IL19: variants seen among roughly 807,000 people sequenced by gnomAD.
The protein encoded by IL19 is interleukin 19, also known as interleukin-19.
Under a neutral mutation model 19.5 loss-of-function variants are expected in IL19, and 15 were observed. The observed-to-expected ratio is 0.77, with a 90% confidence interval of 0.52 to 1.19. The LOEUF is 1.19. Among genes scored for constraint, IL19 ranks in the 50% most tolerant of loss-of-function variants. The pLI, the probability that IL19 is intolerant of heterozygous loss-of-function variation, is 0.00. For missense variants in IL19, 199 were observed against 213.1 expected (o/e 0.93, Z 0.41); for synonymous variants, 78 against 78.3 (o/e 1.00, Z 0.02).
chr1:206,799,643 T>C (rs781496169), intron 2 of IL19, among the ~76,000 whole-genome samples: 3 of 152,214 alleles, frequency 2.0e-5, no homozygotes, highest in Admixed American at 6.5e-5. Context: ...GACTGACTAG[T>C]GCTCTAAAGT....
chr1:206,776,820 C>T (rs939657039), intron 1 of IL19, among the ~76,000 whole-genome samples: 1 of 149,474 alleles, frequency 6.7e-6, no homozygotes, highest in Non-Finnish European at 1.5e-5. Flanking sequence ...GACATAAACC[C>T]GGGCATCCAA....
At chr1:206,827,704 A>G (rs1376634642) in intron 2 of IL19, among the ~76,000 whole-genome samples, 16 of 31,448 alleles carry the variant, frequency 5.1e-4, no homozygotes, top group Non-Finnish European at 1.2e-3. Flanking sequence ...ACAAAACAAA[A>G]CAAAACAAAA....
At chr1:206,840,253 A>G (rs1268394061) in intron 5 of IL19, 1 of 646,406 alleles carries the variant, frequency 1.5e-6, no homozygotes, top group Admixed American at 2.1e-5. Flanking sequence ...TTATGTCAAC[A>G]TATTCCTTAG....
At chr1:206,802,205 TG>T (rs141181222) in intron 2 of IL19, among the ~76,000 whole-genome samples, 5,999 of 152,256 alleles carry the variant, frequency 0.039, 229 homozygotes, top group East Asian at 0.15. Flanking sequence ...GAGTTGGTGA[TG>T]GAGATGGGAT....
chr1:206,784,251 TAAG>T (rs1572546650), intron 1 of IL19, among the ~76,000 whole-genome samples: 1 of 152,194 alleles, frequency 6.6e-6, no homozygotes, highest in Non-Finnish European at 1.5e-5. Flanking sequence ...GTTGTTTTTC[TAAG>T]AAGATTTCCA....
At chr1:206,819,579 C>CT (rs1676244568) in intron 2 of IL19, among the ~76,000 whole-genome samples, 2 of 48,848 alleles carry the variant, frequency 4.1e-5, no homozygotes, top group Non-Finnish European at 1.3e-4. Context: ...AAGACTCCGT[C>CT]TAAAAAAAAA....
chr1:206,776,909 CAAA>C (rs1186364224), intron 1 of IL19, among the ~76,000 whole-genome samples: 1,605 of 50,380 alleles, frequency 0.032, 15 homozygotes, highest in African/African-American at 0.088. Flanking sequence ...CTTGCAACTA[CAAA>C]AAAAAAAAAA....
At chr1:206,814,031 T>C (rs1306576679) in intron 2 of IL19, among the ~76,000 whole-genome samples, 1 of 152,210 alleles carries the variant, frequency 6.6e-6, no homozygotes, top group Non-Finnish European at 1.5e-5. Flanking sequence ...TTGAAATAAA[T>C]CTTTTTATAT....
At chr1:206,802,902 A>G (rs1372900084) in intron 2 of IL19, among the ~76,000 whole-genome samples, 2 of 152,224 alleles carry the variant, frequency 1.3e-5, no homozygotes, top group African/African-American at 4.8e-5. Flanking sequence ...ACAGGAAAGC[A>G]AGGGGAATGT....
chr1:206,818,881 T>C (rs1310174872), intron 2 of IL19, among the ~76,000 whole-genome samples: 3 of 151,506 alleles, frequency 2.0e-5, no homozygotes, highest in African/African-American at 7.3e-5. Context: ...GGCATGATCT[T>C]GGCTCACTGC....
At chr1:206,808,500 C>T (rs3223448) in intron 2 of IL19, among the ~76,000 whole-genome samples, 110 of 148,712 alleles carry the variant, frequency 7.4e-4, no homozygotes, top group Non-Finnish European at 1.3e-3. Flanking sequence ...TGTGTGTGTG[C>T]GTGTGTGTGT....
intron 2 of IL19, among the ~76,000 whole-genome samples, chr1:206,832,910 C>T (rs550819880): frequency 6.6e-6 from 1 of 152,342 alleles, no homozygotes; most frequent in South Asian, 2.1e-4. Context: ...GTAAAAGGCC[C>T]TGATCTTTCC....
At chr1:206,811,185 G>A (rs1049869110) in intron 2 of IL19, among the ~76,000 whole-genome samples, 8 of 152,190 alleles carry the variant, frequency 5.3e-5, no homozygotes, top group Non-Finnish European at 1.0e-4. Context: ...TTAGTGAGGC[G>A]AATTGATCAT....
chr1:206,800,218 G>A (rs1024879284), intron 2 of IL19, among the ~76,000 whole-genome samples: 9 of 152,214 alleles, frequency 5.9e-5, no homozygotes, highest in African/African-American at 1.4e-4. Context: ...ATACCCCATT[G>A]AGCTTCCAGT....
chr1:206,814,208 A>G (rs2102469670), intron 2 of IL19, among the ~76,000 whole-genome samples: 1 of 152,244 alleles, frequency 6.6e-6, no homozygotes, highest in South Asian at 2.1e-4. Flanking sequence ...TTTTCAATAA[A>G]GACTCCTATA....
Position 206,784,622 on chromosome 1 carries a change from G to C in IL19, c.-149+13544G>C, listed in dbSNP as rs7516103. ...AAATCAGAAGAGCCTCCACTTGGTA[G>C]GGGAGGACGTGATGCTGCCTTTTCC... On this transcript the variant is annotated intron_variant, in intron 1 of 6. Coordinates refer to ENST00000659997, the MANE Select transcript of IL19 (RefSeq NM_153758.5). Among the ~76,000 whole-genome samples the C allele has an allele frequency of 6.5e-3, 988 of 152,362 alleles. 10 individuals carry two copies. The highest frequency in any genetic ancestry group is 0.023 in the African/African-American group (955 of 41,594).
intron 2 of IL19, among the ~76,000 whole-genome samples, chr1:206,813,924 A>C (rs931709432): frequency 6.6e-6 from 1 of 152,228 alleles, no homozygotes; most frequent in African/African-American, 2.4e-5. Flanking sequence ...GAAATTCTCA[A>C]GACTGCAAAT....
intron 4 of IL19, among the ~76,000 whole-genome samples, chr1:206,838,648 C>A (rs1401151982): frequency 3.3e-5 from 5 of 152,136 alleles, no homozygotes; most frequent in Admixed American, 3.3e-4. Flanking sequence ...ATGCCCCCAT[C>A]TTCAGATTCT....
chr1:206,818,383 A>G (rs1676215555), intron 2 of IL19, among the ~76,000 whole-genome samples: 1 of 152,258 alleles, frequency 6.6e-6, no homozygotes, highest in African/African-American at 2.4e-5. Flanking sequence ...TTGGTCATAC[A>G]TGCAACACCA....
Sources: gnomAD v4.1 joint callset for allele counts (sites outside exome capture counted in the v4.1 genomes callset) on GRCh38, gnomAD v4.1.1 for gene constraint, MANE v1.5 for transcripts, NCBI Gene and HGNC (gene_info 2026-07-23, HGNC 2026-07-21) for gene names.